SLC35F1: variants seen among roughly 807,000 people sequenced by gnomAD.
SLC35F1 encodes the protein solute carrier family 35 member F1, also known as chromosome 6 open reading frame 169.
SLC35F1 carries 14 observed loss-of-function variants against 48.7 expected under a neutral mutation model. That is an observed-to-expected ratio of 0.29 (90% CI 0.19 to 0.45). The LOEUF is 0.45. Ranked by LOEUF, SLC35F1 falls within the 20% of genes least tolerant of loss-of-function variation. The pLI is 1.00. For synonymous variants in SLC35F1, 190 were observed against 202.2 expected, an observed-to-expected ratio of 0.94 and a Z score of 0.51; for missense variants, 404 against 500.0, an observed-to-expected ratio of 0.81 and a Z score of 1.83.
intron 1 of SLC35F1, among the ~76,000 whole-genome samples, chr6:117,974,339 T>G (rs567285634): frequency 6.6e-6 from 1 of 152,350 alleles, no homozygotes; most frequent in South Asian, 2.1e-4. Context: ...TAGCTGTATT[T>G]TCACATGATA....
rs1775697520 is a variant in SLC35F1, at chr6:117,907,323, C to T, written c.-404C>T. ...GCTGAGGCGGCGCCAGCACAACTGC[C>T]GCCGCGCGCCCCGAGGAGACCCGGG... On this transcript the variant is annotated 5_prime_UTR_variant, in exon 1 of 8. Transcript: ENST00000360388. Among the ~76,000 whole-genome samples the T allele has an allele frequency of 6.6e-6, 1 of 151,054 alleles. No homozygotes were observed. The highest frequency in any genetic ancestry group is 1.5e-5 in the Non-Finnish European group (1 of 67,708).
intron 6 of SLC35F1, among the ~76,000 whole-genome samples, chr6:118,283,455 G>C (rs1776009422): frequency 6.6e-6 from 1 of 152,160 alleles, no homozygotes; most frequent in South Asian, 2.1e-4. Context: ...GAGAATAATA[G>C]TTGAATAAAT....
chr6:118,286,248 C>G (rs1776047564), intron 7 of SLC35F1, among the ~76,000 whole-genome samples: 1 of 152,146 alleles, frequency 6.6e-6, no homozygotes, highest in Non-Finnish European at 1.5e-5. Flanking sequence ...CCACTTCTAG[C>G]CAAGTTCCTC....
chr6:118,099,740 C>T (rs1773230215), intron 1 of SLC35F1, among the ~76,000 whole-genome samples: 1 of 152,154 alleles, frequency 6.6e-6, no homozygotes, highest in Non-Finnish European at 1.5e-5. Flanking sequence ...CACAGATTTC[C>T]ACCTTGTGCA....
intron 2 of SLC35F1, among the ~76,000 whole-genome samples, chr6:118,159,364 A>C (rs1774193792): frequency 6.6e-6 from 1 of 152,264 alleles, no homozygotes; most frequent in African/African-American, 2.4e-5. Flanking sequence ...TAAAACAGAG[A>C]TAACTGTTAC....
intron 2 of SLC35F1, among the ~76,000 whole-genome samples, chr6:118,168,558 G>A (rs369144058): frequency 2.7e-4 from 41 of 152,102 alleles, no homozygotes; most frequent in African/African-American, 8.7e-4. Context: ...GGTGGTTAAC[G>A]ATGGATAACT....
At chr6:118,036,085 A>G (rs1223596645) in intron 1 of SLC35F1, among the ~76,000 whole-genome samples, 1 of 151,962 alleles carries the variant, frequency 6.6e-6, no homozygotes, top group African/African-American at 2.4e-5. Context: ...TATTTATTTT[A>G]AGTTTACATT....
intron 1 of SLC35F1, among the ~76,000 whole-genome samples, chr6:118,070,428 A>G (rs1772685339): frequency 1.3e-5 from 2 of 152,206 alleles, no homozygotes; most frequent in African/African-American, 4.8e-5. Flanking sequence ...AAACAATGAC[A>G]GTAAATTCTA....
chr6:118,238,850 A>G (rs1374414368), intron 3 of SLC35F1, among the ~76,000 whole-genome samples: 1 of 152,226 alleles, frequency 6.6e-6, no homozygotes, highest in African/African-American at 2.4e-5. Context: ...TCACTGATTT[A>G]GCTGAACATT....
intron 1 of SLC35F1, among the ~76,000 whole-genome samples, chr6:117,997,058 C>T (rs1268339130): frequency 6.6e-6 from 1 of 152,000 alleles, no homozygotes; most frequent in Admixed American, 6.6e-5. Flanking sequence ...ACTAGAATAA[C>T]CAATACAGAG....
At chr6:118,194,101 A>G (rs1449289097) in intron 2 of SLC35F1, among the ~76,000 whole-genome samples, 1 of 152,078 alleles carries the variant, frequency 6.6e-6, no homozygotes, top group Non-Finnish European at 1.5e-5. Flanking sequence ...ACACAGACAG[A>G]CAGAAGAAGA....
At chr6:118,103,792 A>G (rs1299285505) in intron 1 of SLC35F1, among the ~76,000 whole-genome samples, 1 of 152,182 alleles carries the variant, frequency 6.6e-6, no homozygotes, top group Non-Finnish European at 1.5e-5. Flanking sequence ...TTCTAAACCC[A>G]GATGATTGTT....
At chr6:118,095,365 A>G (rs1773138082) in intron 1 of SLC35F1, among the ~76,000 whole-genome samples, 1 of 152,200 alleles carries the variant, frequency 6.6e-6, no homozygotes, top group South Asian at 2.1e-4. Flanking sequence ...AACCTCAGGC[A>G]CATCATTCCA....
chr6:117,926,478 T>G (rs535571091), intron 1 of SLC35F1, among the ~76,000 whole-genome samples: 3 of 152,138 alleles, frequency 2.0e-5, no homozygotes, highest in African/African-American at 7.2e-5. Context: ...GAGGAGGACA[T>G]AGCCAGAATT....
chr6:117,950,999 C>A (rs1776356627), intron 1 of SLC35F1, among the ~76,000 whole-genome samples: 1 of 152,086 alleles, frequency 6.6e-6, no homozygotes, highest in South Asian at 2.1e-4. Context: ...AAATCACAGA[C>A]ATGTACAACT....
intron 1 of SLC35F1, among the ~76,000 whole-genome samples, chr6:118,109,476 A>G (rs1445426399): frequency 6.6e-6 from 1 of 152,160 alleles, no homozygotes; most frequent in Non-Finnish European, 1.5e-5. Flanking sequence ...TCAGCTGATA[A>G]CTATCTAGAA....
intron 1 of SLC35F1, among the ~76,000 whole-genome samples, chr6:117,950,915 T>G (rs1250491034): frequency 6.6e-6 from 1 of 152,122 alleles, no homozygotes; most frequent in African/African-American, 2.4e-5. Flanking sequence ...TTCTAAGAAA[T>G]GGAAATAAAT....
intron 1 of SLC35F1, among the ~76,000 whole-genome samples, chr6:117,984,288 C>T (rs1776819930): frequency 6.6e-6 from 1 of 151,960 alleles, no homozygotes. Context: ...AGGCAGATCA[C>T]GAGGTCAGGA....
intron 7 of SLC35F1, among the ~76,000 whole-genome samples, chr6:118,297,830 G>A (rs1776211176): frequency 6.7e-6 from 1 of 148,924 alleles, no homozygotes; most frequent in Non-Finnish European, 1.5e-5. Context: ...TGGTTTGGAT[G>A]TTTGTTCCCT....
Sources: allele counts gnomAD v4.1 joint callset (sites outside exome capture counted in the v4.1 genomes callset), GRCh38; gene constraint gnomAD v4.1.1; transcripts MANE v1.5; gene names NCBI Gene and HGNC (gene_info 2026-07-23, HGNC 2026-07-21).